The following ANKRD12 variants were observed in gnomAD, a reference collection of about 807,000 sequenced individuals.
ANKRD12 encodes the protein ankyrin repeat domain-containing protein 12.
A neutral mutation model predicts 183.4 loss-of-function variants in ANKRD12; 85 were observed. The observed-to-expected ratio is 0.46, with a 90% CI of 0.39 to 0.56. The LOEUF (loss-of-function observed/expected upper bound fraction) is 0.56. Ranked by LOEUF, ANKRD12 falls within the 20% of genes least tolerant of loss-of-function variation. ANKRD12 has a pLI of 0.00. For synonymous variants in ANKRD12, 914 were observed against 800.2 expected, an observed-to-expected ratio of 1.14 and a Z score of -2.40; for missense variants, 2,405 against 2,357.1, an observed-to-expected ratio of 1.02 and a Z score of -0.42.
intron 12 of ANKRD12, 58 bp downstream of exon 12, chr18:9,279,702 A>C (rs1221264806): frequency 5.7e-6 from 6 of 1,054,676 alleles, no homozygotes; most frequent in East Asian, 2.4e-5. Context: ...AAAAAAAAAA[A>C]AACTCTACAG....
intron 10 of ANKRD12, among the ~76,000 whole-genome samples, chr18:9,268,601 A>G (rs1391039581): frequency 7.2e-5 from 11 of 152,220 alleles, no homozygotes; most frequent in Admixed American, 6.5e-4. Context: ...TCAATAAATT[A>G]GGTATTGATG....
chr18:9,222,726 C>T (rs1469205509), intron 8 of ANKRD12, among the ~76,000 whole-genome samples: 1 of 152,012 alleles, frequency 6.6e-6, no homozygotes, highest in Non-Finnish European at 1.5e-5. Flanking sequence ...TCAGCCATTG[C>T]CAGAAGGCAA....
intron 2 of ANKRD12, among the ~76,000 whole-genome samples, chr18:9,184,494 G>A (rs1246229878): frequency 6.6e-6 from 1 of 151,986 alleles, no homozygotes; most frequent in Non-Finnish European, 1.5e-5. Flanking sequence ...CCAGGCTCAA[G>A]CAATCCTTCC....
intron 9 of ANKRD12, among the ~76,000 whole-genome samples, chr18:9,262,786 CCTTTTTTTTTTT>C (rs1349082378): frequency 2.4e-4 from 21 of 87,940 alleles, no homozygotes; most frequent in Non-Finnish European, 3.4e-4. Flanking sequence ...CCAAGATGTC[CCTTTTTTTTTTT>C]TTTTTTTTTT....
In ANKRD12 at chr18:9,254,459, T is replaced by C. The variant is rs151143148; in HGVS notation, c.1192T>C (p.Leu398=). The C allele has an allele frequency of 1.5e-5, 24 of 1,567,494 alleles. No individual in the cohort carries two copies. The highest frequency in any genetic ancestry group is 2.1e-5 in the Non-Finnish European group (24 of 1,162,936). ...ENEPEAEKTH[L]FAKQEKAFYP... ...TGAACCTGAAGCAGAAAAAACTCAT[T>C]TATTTGCAAAACAGGAGAAAGCCTT... The change falls in exon 9 of 13, where the codon TTA becomes CTA. Residue 398 remains leucine, a synonymous_variant. Coordinates refer to ENST00000262126, the MANE Select transcript of ANKRD12 (RefSeq NM_015208.5).
Position 9,257,663 on chromosome 18 carries a change from T to C in ANKRD12, c.4396T>C (p.Leu1466=). The change falls in exon 9 of 13, where the codon TTA becomes CTA. Residue 1466 remains leucine, a synonymous_variant. Transcript: ENST00000262126. ...GGTATTGAAAGAAAATGCTGATTTT[T>C]TATCCCTGCGCCAGACTGAACTGCC... is the stretch of plus-strand genomic sequence containing the variant. ...NKVLKENADF[L]SLRQTELPGN... 6.2e-7 allele frequency: 1 copy of C among 1,613,994 alleles called. No homozygotes were observed. Among genetic ancestry groups the C allele is most frequent in the Non-Finnish European group, 8.5e-7 (1 of 1,179,950 alleles).
At chr18:9,162,893 G>T (rs541444687) in intron 1 of ANKRD12, among the ~76,000 whole-genome samples, 2 of 152,022 alleles carry the variant, frequency 1.3e-5, no homozygotes, top group African/African-American at 2.4e-5. Flanking sequence ...AATGGGGTTG[G>T]TTGTTTTTTT....
At chr18:9,171,315 TG>T (rs1268598190) in intron 1 of ANKRD12, among the ~76,000 whole-genome samples, 10 of 152,216 alleles carry the variant, frequency 6.6e-5, no homozygotes, top group Non-Finnish European at 1.0e-4. Context: ...TCGGCCATCT[TG>T]GCTCCTCCAA....
Position 9,256,479 on chromosome 18 carries a change from T to C in ANKRD12, c.3212T>C (p.Val1071Ala). 6.2e-7 allele frequency: 1 copy of C among 1,613,508 alleles called. No individual in the cohort carries two copies. Among genetic ancestry groups the C allele is most frequent in the Non-Finnish European group, 8.5e-7 (1 of 1,179,852 alleles). The change falls in exon 9 of 13, where the codon GTG becomes GCG. Residue 1071 changes from valine (V) to alanine (A), a missense_variant. Transcript: ENST00000262126. ...KDTRPKEKRLVNDDLMQTSFE... is the reference protein window; with the variant it reads ...KDTRPKEKRLANDDLMQTSFE... ...ACCCGACCTAAAGAAAAGAGGTTAG[T>C]GAATGATGATTTAATGCAGACAAGT...
At chr18:9,145,291 G>A (rs373551943) in intron 1 of ANKRD12, among the ~76,000 whole-genome samples, 5 of 152,214 alleles carry the variant, frequency 3.3e-5, no homozygotes, top group African/African-American at 1.2e-4. Flanking sequence ...CCAGACTCTG[G>A]ATGTAGTGAA....
chr18:9,211,794 G>C lies in ANKRD12; in HGVS notation c.652+10G>C. On this transcript the variant is annotated intron_variant, in intron 6 of 12. Transcript: ENST00000262126. Reference sequence around the variant, plus strand: ...GTGAAAGATTTTGCAGGTAAGACTAGTAATTCAATACCTACTATTCAGGCA... The same window carrying C: ...GTGAAAGATTTTGCAGGTAAGACTACTAATTCAATACCTACTATTCAGGCA... The C allele has an allele frequency of 1.2e-6, 2 of 1,603,786 alleles. No homozygotes were observed. The highest frequency in any genetic ancestry group is 1.7e-6 in the Non-Finnish European group (2 of 1,171,452).
At chr18:9,226,571 G>A (rs1448558801) in intron 8 of ANKRD12, among the ~76,000 whole-genome samples, 1 of 152,070 alleles carries the variant, frequency 6.6e-6, no homozygotes, top group Non-Finnish European at 1.5e-5. Flanking sequence ...TAAACTTGGG[G>A]GGGTGGATTT....
chr18:9,275,025 A>C (rs2039765615), intron 10 of ANKRD12, among the ~76,000 whole-genome samples: 1 of 151,936 alleles, frequency 6.6e-6, no homozygotes, highest in Non-Finnish European at 1.5e-5. Context: ...TTCTACAAAA[A>C]AAAATTAAAA....
Position 9,262,786 on chromosome 18 carries a change from C to CTTTTTTTTTTTTTTTTTTTTTTT in ANKRD12, c.5665-1004_5665-1003insTTTTTTTTTTTTTTTTTTTTTTT, listed in dbSNP as rs775877613. ...AGCCACCATGCCCAGCCAAGATGTC[C>CTTTTTTTTTTTTTTTTTTTTTTT]CTTTTTTTTTTTTTTTTTTTTTTTT... On this transcript the variant is annotated intron_variant, in intron 9 of 12. Transcript: ENST00000262126. Among the ~76,000 whole-genome samples the CTTTTTTTTTTTTTTTTTTTTTTT allele has an allele frequency of 1.3e-4, 11 of 87,932 alleles. 3 individuals are homozygous for CTTTTTTTTTTTTTTTTTTTTTTT. Among genetic ancestry groups the CTTTTTTTTTTTTTTTTTTTTTTT allele is most frequent in the Non-Finnish European group, 2.3e-4 (10 of 44,262 alleles). The allele number at this position is 87,932 out of a possible 152,430, so 57.7% of individuals were successfully genotyped here. A position where few individuals can be genotyped will look rare whatever the true frequency, so the allele number is the denominator to read the frequency against.
rs1397269429 is a variant in ANKRD12, at chr18:9,256,912, C to T, written c.3645C>T (p.Ser1215=). The T allele has an allele frequency of 6.2e-7, 1 of 1,613,846 alleles. No homozygotes were observed. Among genetic ancestry groups the T allele is most frequent in the Non-Finnish European group, 8.5e-7 (1 of 1,179,956 alleles). ...TTTCTGTTGCTAGTTCAGAAGATTC[C>T]TGCCATACTACAGTGACAACCCCAA... ...SMISVASSED[S]CHTTVTTPRP... is the part of the protein sequence containing the mutation. Residue 1215 remains serine (S), a synonymous_variant, in exon 9 of 13, where the codon TCC becomes TCT. Transcript: ENST00000262126.
chr18:9,251,184 C>T (rs1283796176), intron 8 of ANKRD12, among the ~76,000 whole-genome samples: 1 of 152,058 alleles, frequency 6.6e-6, no homozygotes, highest in Non-Finnish European at 1.5e-5. Context: ...TGTGTCAACA[C>T]CTCTCTGCCT....
intron 8 of ANKRD12, among the ~76,000 whole-genome samples, chr18:9,246,364 C>G (rs2037961822): frequency 1.3e-5 from 2 of 152,118 alleles, no homozygotes; most frequent in South Asian, 4.1e-4. Context: ...AACACTAATA[C>G]ATGAAATATT....
In ANKRD12 at chr18:9,256,798, G is replaced by A. The variant is rs960991952; in HGVS notation, c.3531G>A (p.Lys1177=). 1 of 1,614,018 alleles carries A rather than the reference G, an allele frequency of 6.2e-7. No individual in the cohort carries two copies. The highest frequency in any genetic ancestry group is 8.5e-7 in the Non-Finnish European group (1 of 1,179,974). Reference sequence around the variant, plus strand: ...CCAAAAATGTAATGACTTTAGGGAAGTCATCTTTTGTTTCAGATAATAGCT... The same window carrying A: ...CCAAAAATGTAATGACTTTAGGGAAATCATCTTTTGTTTCAGATAATAGCT... The part of the protein sequence containing the change: ...VDTKNVMTLG[K]SSFVSDNSLN... The change falls in exon 9 of 13, where the codon AAG becomes AAA. Residue 1177 remains lysine, a synonymous_variant. Transcript: ENST00000262126.
intron 2 of ANKRD12, among the ~76,000 whole-genome samples, chr18:9,190,834 A>C (rs1476065717): frequency 3.3e-5 from 5 of 152,232 alleles, no homozygotes. Context: ...ACTACATCAT[A>C]GTGTAAACAT....
Sources: allele counts gnomAD v4.1 joint callset (sites outside exome capture counted in the v4.1 genomes callset), GRCh38; gene constraint gnomAD v4.1.1; transcripts MANE v1.5; gene names NCBI Gene and HGNC (gene_info 2026-07-23, HGNC 2026-07-21).